The following CADM2 variants were observed in gnomAD, a reference collection of about 807,000 sequenced individuals.
The protein encoded by CADM2 is cell adhesion molecule 2.
Under a neutral mutation model 49.8 loss-of-function variants are expected in CADM2, and 12 were observed. The ratio of observed to expected loss-of-function variants is 0.24; its 90% CI spans 0.15 to 0.39. The LOEUF (loss-of-function observed/expected upper bound fraction) is 0.39, where lower values mean the gene tolerates loss of function less well. CADM2 is among the 10% of genes least tolerant of loss of function. The pLI is 1.00. For missense variants in CADM2, 378 were observed against 492.3 expected, an observed-to-expected ratio of 0.77 and a Z score of 2.20; for synonymous variants, 214 against 175.4, an observed-to-expected ratio of 1.22 and a Z score of -1.74.
intron 3 of CADM2, among the ~76,000 whole-genome samples, chr3:85,867,122 C>A (rs2075752265): frequency 6.6e-6 from 1 of 152,064 alleles, no homozygotes. Flanking sequence ...AGAAGTAAAG[C>A]ATCTTTAAAA....
intron 1 of CADM2, among the ~76,000 whole-genome samples, chr3:85,195,047 C>A (rs1165064903): frequency 6.6e-6 from 1 of 151,936 alleles, no homozygotes; most frequent in Non-Finnish European, 1.5e-5. Context: ...CCTGACGAAA[C>A]CTGAACTTTG....
chr3:85,552,766 TC>T (rs2061844796), intron 1 of CADM2, among the ~76,000 whole-genome samples: 1 of 151,960 alleles, frequency 6.6e-6, no homozygotes, highest in African/African-American at 2.4e-5. Context: ...AACCTCTGCC[TC>T]CCGGGTTCAA....
chr3:85,482,857 AAAT>A (rs1261489196), intron 1 of CADM2, among the ~76,000 whole-genome samples: 2 of 151,690 alleles, frequency 1.3e-5, no homozygotes, highest in Non-Finnish European at 3.0e-5. Flanking sequence ...TTTTATTTAA[AAAT>A]AATAGTTGAT....
At chr3:85,114,554 C>A (rs1299511506) in intron 1 of CADM2, among the ~76,000 whole-genome samples, 16 of 152,084 alleles carry the variant, frequency 1.1e-4, no homozygotes, top group Non-Finnish European at 2.9e-5. Flanking sequence ...CTGAAAGTAA[C>A]CTGTCTACAG....
At chr3:85,521,242 C>T (rs186552292) in intron 1 of CADM2, among the ~76,000 whole-genome samples, 82 of 152,098 alleles carry the variant, frequency 5.4e-4, no homozygotes, top group Non-Finnish European at 6.0e-4. Flanking sequence ...TTGGATGTGC[C>T]ACAGTAATAT....
intron 1 of CADM2, among the ~76,000 whole-genome samples, chr3:85,535,372 T>C (rs1348684064): frequency 1.3e-5 from 2 of 152,114 alleles, no homozygotes; most frequent in African/African-American, 2.4e-5. Context: ...AACGCCTCCA[T>C]GGGCCCTAAG....
intron 1 of CADM2, among the ~76,000 whole-genome samples, chr3:85,671,889 T>C (rs952327424): frequency 1.1e-4 from 17 of 152,176 alleles, no homozygotes; most frequent in African/African-American, 4.1e-4. Context: ...CACTAATATA[T>C]AAGACATAAA....
At chr3:85,552,203 G>A (rs945454135) in intron 1 of CADM2, among the ~76,000 whole-genome samples, 58 of 152,166 alleles carry the variant, frequency 3.8e-4, no homozygotes, top group Non-Finnish European at 3.7e-4. Context: ...GCCTAAATAT[G>A]ATAATTGACT....
chr3:85,518,960 G>A (rs2060967940), intron 1 of CADM2, among the ~76,000 whole-genome samples: 1 of 151,912 alleles, frequency 6.6e-6, no homozygotes, highest in Non-Finnish European at 1.5e-5. Flanking sequence ...TTAGAATTCT[G>A]CCTACCATAT....
At chr3:85,893,541 C>T (rs1291982445) in intron 5 of CADM2, among the ~76,000 whole-genome samples, 2 of 152,084 alleles carry the variant, frequency 1.3e-5, no homozygotes, top group Non-Finnish European at 2.9e-5. Flanking sequence ...AAAGAAACTA[C>T]CATCAGAGTG....
intron 1 of CADM2, among the ~76,000 whole-genome samples, chr3:85,645,508 G>A (rs1374355368): frequency 6.6e-6 from 1 of 151,654 alleles, no homozygotes; most frequent in East Asian, 1.9e-4. Flanking sequence ...TGCTTTTACT[G>A]GTCTTATTAG....
At chr3:85,419,737 G>T (rs1340668258) in intron 1 of CADM2, among the ~76,000 whole-genome samples, 1 of 152,004 alleles carries the variant, frequency 6.6e-6, no homozygotes, top group Non-Finnish European at 1.5e-5. Context: ...CTTAGGCCTT[G>T]TTATAGAAAT....
At chr3:85,143,997 C>A (rs562878899) in intron 1 of CADM2, among the ~76,000 whole-genome samples, 1 of 152,206 alleles carries the variant, frequency 6.6e-6, no homozygotes, top group South Asian at 2.1e-4. Flanking sequence ...ACATTGGCCT[C>A]TTTGCTGGGC....
intron 1 of CADM2, among the ~76,000 whole-genome samples, chr3:85,605,258 A>G (rs912665840): frequency 1.3e-5 from 2 of 152,106 alleles, no homozygotes; most frequent in Non-Finnish European, 2.9e-5. Context: ...GGACCTCACA[A>G]AACTCAGAAA....
At chr3:86,056,386 G>A (rs1263084358) in intron 8 of CADM2, among the ~76,000 whole-genome samples, 2 of 152,214 alleles carry the variant, frequency 1.3e-5, no homozygotes, top group African/African-American at 4.8e-5. Context: ...TCCAAAAATA[G>A]AAATACCATG....
intron 2 of CADM2, among the ~76,000 whole-genome samples, chr3:85,740,581 G>A (rs28391759): frequency 0.038 from 5,691 of 151,104 alleles, 285 homozygotes; most frequent in African/African-American, 0.11. Context: ...TTCTTTTCTT[G>A]CAACTATAAA....
intron 1 of CADM2, among the ~76,000 whole-genome samples, chr3:85,105,384 A>C (rs2038175904): frequency 6.6e-6 from 1 of 152,194 alleles, no homozygotes; most frequent in African/African-American, 2.4e-5. Flanking sequence ...TGCAAATCAA[A>C]ACCACAATGA....
chr3:85,433,554 G>T (rs1374716896), intron 1 of CADM2, among the ~76,000 whole-genome samples: 1 of 152,094 alleles, frequency 6.6e-6, no homozygotes, highest in Non-Finnish European at 1.5e-5. Context: ...TGGAGAAGTA[G>T]GGGTTATTGA....
At chr3:85,206,293 T>C (rs2041631030) in intron 1 of CADM2, among the ~76,000 whole-genome samples, 1 of 150,818 alleles carries the variant, frequency 6.6e-6, no homozygotes, top group African/African-American at 2.4e-5. Flanking sequence ...AGAATTTAGG[T>C]CTTTTTTTTT....
Sources: gnomAD v4.1 joint callset for allele counts (sites outside exome capture counted in the v4.1 genomes callset) on GRCh38, gnomAD v4.1.1 for gene constraint, MANE v1.5 for transcripts, NCBI Gene and HGNC (gene_info 2026-07-23, HGNC 2026-07-21) for gene names.